COBL: variants seen among roughly 807,000 people sequenced by gnomAD.
COBL encodes protein cordon-bleu.
A neutral mutation model predicts 98.8 loss-of-function variants in COBL; 51 were observed. The ratio of observed to expected loss-of-function variants is 0.52; its 90% CI spans 0.41 to 0.65. The LOEUF is 0.65. Ranked by LOEUF, COBL falls within the 30% of genes least tolerant of loss-of-function variation. The pLI is 0.00. For missense variants in COBL, 1,617 were observed against 1,617.5 expected (o/e 1.00, Z 0.01); for synonymous variants, 634 against 651.7 (o/e 0.97, Z 0.41).
chr7:51,017,380 C>T lies in COBL; in HGVS notation c.*171G>A. ...CTGCGCAGCGACACAGCATCTTCTC[C>T]TTTCCTTTCAAGCCGTTATACAGGA... On this transcript the variant is annotated 3_prime_UTR_variant, in exon 13 of 13. Coordinates refer to ENST00000265136, the MANE Select transcript of COBL (RefSeq NM_015198.5). 1 of 674,258 alleles carries T rather than the reference C, an allele frequency of 1.5e-6. No individual in the cohort carries two copies. Among genetic ancestry groups the T allele is most frequent in the East Asian group, 2.6e-5 (1 of 38,142 alleles). The allele number at this position is 674,258 out of a possible 1,614,324, so 41.8% of individuals were successfully genotyped here.
At chr7:51,293,497 T>A (rs1267552743) in intron 1 of COBL, among the ~76,000 whole-genome samples, 5 of 151,912 alleles carry the variant, frequency 3.3e-5, no homozygotes, top group African/African-American at 4.8e-5. Context: ...CCTACATAAA[T>A]AAAACAGATC....
intron 6 of COBL, among the ~76,000 whole-genome samples, chr7:51,132,548 T>C (rs548223806): frequency 6.6e-6 from 1 of 152,190 alleles, no homozygotes; most frequent in South Asian, 2.1e-4. Context: ...GCAGAACAAG[T>C]GAGGAAACCA....
At chr7:51,302,620 G>T (rs1802084011) in intron 1 of COBL, among the ~76,000 whole-genome samples, 1 of 151,202 alleles carries the variant, frequency 6.6e-6, no homozygotes, top group Non-Finnish European at 1.5e-5. Context: ...TTCTGGGCTG[G>T]GTGTGGTCGC....
intron 1 of COBL, among the ~76,000 whole-genome samples, chr7:51,227,922 A>C (rs1174090602): frequency 6.6e-6 from 1 of 152,226 alleles, no homozygotes; most frequent in Admixed American, 6.5e-5. Flanking sequence ...TAAGGGCTGA[A>C]ATATGTGTCT....
intron 2 of COBL, among the ~76,000 whole-genome samples, chr7:51,201,513 T>C (rs999782717): frequency 2.0e-5 from 3 of 152,150 alleles, no homozygotes; most frequent in Non-Finnish European, 2.9e-5. Context: ...TACAATAATA[T>C]GAAGAGACTT....
At chr7:51,236,077 C>T (rs904126292) in intron 1 of COBL, among the ~76,000 whole-genome samples, 1 of 152,208 alleles carries the variant, frequency 6.6e-6, no homozygotes, top group African/African-American at 2.4e-5. Flanking sequence ...GTGTGTCCTC[C>T]AGTGGAAGGA....
chr7:51,143,867 T>TG (rs927623510), intron 5 of COBL, among the ~76,000 whole-genome samples: 28 of 152,348 alleles, frequency 1.8e-4, no homozygotes, highest in African/African-American at 5.3e-4. Context: ...GCCTCTCTTC[T>TG]GGGGGAGCAG....
chr7:51,201,175 G>A (rs1180462000), intron 2 of COBL, among the ~76,000 whole-genome samples: 7 of 149,704 alleles, frequency 4.7e-5, no homozygotes, highest in African/African-American at 1.7e-4. Flanking sequence ...AGGAGACAGA[G>A]ATTGCAGTAA....
At chr7:51,024,310 GATAAATAA>G (rs147422169) in intron 12 of COBL, among the ~76,000 whole-genome samples, 2 of 151,224 alleles carry the variant, frequency 1.3e-5, no homozygotes, top group Non-Finnish European at 2.9e-5. Context: ...CTCCGTCTCA[GATAAATAA>G]ATAAATAAAT....
At chr7:51,224,554 C>T (rs1793996833) in intron 1 of COBL, among the ~76,000 whole-genome samples, 1 of 151,398 alleles carries the variant, frequency 6.6e-6, no homozygotes, top group Non-Finnish European at 1.5e-5. Flanking sequence ...GGAGAAGTCC[C>T]CAAAGAGAAA....
At chr7:51,180,738 C>A (rs772392312) in intron 5 of COBL, among the ~76,000 whole-genome samples, 3 of 152,016 alleles carry the variant, frequency 2.0e-5, no homozygotes, top group Non-Finnish European at 2.9e-5. Context: ...ACAATTTGGA[C>A]TGAATCCTGA....
At chr7:51,024,373 A>G (rs1477481086) in intron 12 of COBL, among the ~76,000 whole-genome samples, 3 of 152,204 alleles carry the variant, frequency 2.0e-5, no homozygotes, top group Non-Finnish European at 4.4e-5. Context: ...CAACCTCCCA[A>G]TTATTAGCAT....
rs1216882353 is a variant in COBL at position 51,281,253 on chromosome 7, C to T, written c.41+35340G>A. 7.2e-5 allele frequency among the ~76,000 whole-genome samples: 11 copies of T among 152,184 alleles called. No homozygotes were observed. In the East Asian group the frequency reaches 2.1e-3, roughly 29 times the overall value. ...AACAGAAATCATCTAATCTGAACAA[C>T]ATAAAGAGGAAGGACTGTAAAAATG... On this transcript the variant is annotated intron_variant, in intron 1 of 12. Coordinates refer to ENST00000265136, the MANE Select transcript of COBL (RefSeq NM_015198.5).
At chr7:51,060,260 C>T (rs1791196641) in intron 7 of COBL, among the ~76,000 whole-genome samples, 1 of 152,198 alleles carries the variant, frequency 6.6e-6, no homozygotes. Context: ...GAAAAGTTTC[C>T]CACTTGCTTC....
At chr7:51,295,202 C>A (rs1584430408) in intron 1 of COBL, among the ~76,000 whole-genome samples, 1 of 151,444 alleles carries the variant, frequency 6.6e-6, no homozygotes, top group East Asian at 2.0e-4. Flanking sequence ...GGGAGAATCG[C>A]TTGAACCGGG....
intron 4 of COBL, among the ~76,000 whole-genome samples, chr7:51,187,333 C>CAT (rs1407302797): frequency 2.7e-5 from 3 of 112,462 alleles, no homozygotes; most frequent in Admixed American, 1.8e-4. Flanking sequence ...TATATATATA[C>CAT]ACACACACAC....
intron 7 of COBL, among the ~76,000 whole-genome samples, chr7:51,063,285 C>T (rs935851073): frequency 6.6e-6 from 1 of 152,026 alleles, no homozygotes; most frequent in Non-Finnish European, 1.5e-5. Flanking sequence ...CAGGCACCCA[C>T]CACCGCGCCC....
intron 2 of COBL, among the ~76,000 whole-genome samples, chr7:51,199,516 A>C (rs1263432542): frequency 2.0e-5 from 3 of 152,246 alleles, no homozygotes; most frequent in African/African-American, 7.2e-5. Context: ...GGAATCCAAA[A>C]TAGCCATCTT....
intron 1 of COBL, among the ~76,000 whole-genome samples, chr7:51,262,393 C>T (rs999914462): frequency 2.0e-5 from 3 of 152,308 alleles, no homozygotes; most frequent in Non-Finnish European, 4.4e-5. Context: ...CCGGACGAAA[C>T]CGTGTCAGAG....
Sources: gnomAD v4.1 joint callset for allele counts (sites outside exome capture counted in the v4.1 genomes callset) on GRCh38, gnomAD v4.1.1 for gene constraint, MANE v1.5 for transcripts, NCBI Gene and HGNC (gene_info 2026-07-23, HGNC 2026-07-21) for gene names.